Variants in SAMD13 observed in about 807,000 individuals in gnomAD.
SAMD13 encodes the protein sterile alpha motif domain-containing protein 13.
SAMD13 carries 9 observed loss-of-function variants against 12.4 expected under a neutral mutation model. The ratio of observed to expected loss-of-function variants is 0.72; its 90% CI spans 0.44 to 1.26. The LOEUF is 1.26. Ranked by LOEUF, SAMD13 falls within the 50% of genes most tolerant of loss-of-function variation. The probability of loss-of-function intolerance (pLI) is 0.00; values close to 1 mark genes in which losing one functional copy is unlikely to be tolerated. For missense variants in SAMD13, 84 were observed against 119.6 expected (o/e 0.70, Z 1.39); for synonymous variants, 46 against 45.4 (o/e 1.01, Z -0.05).
At chr1:84,339,388 C>G (rs1299566675) in intron 3 of SAMD13, among the ~76,000 whole-genome samples, 1 of 151,310 alleles carries the variant, frequency 6.6e-6, no homozygotes, top group Non-Finnish European at 1.5e-5. Context: ...TTCTTTAATG[C>G]CCTTCAGGCT....
intron 2 of SAMD13, among the ~76,000 whole-genome samples, chr1:84,308,525 C>A (rs1678635030): frequency 6.6e-6 from 1 of 152,138 alleles, no homozygotes; most frequent in South Asian, 2.1e-4. Flanking sequence ...CTAACTCTTA[C>A]CTGAGTAATG....
At chr1:84,343,057 A>T (rs1679463235) in intron 3 of SAMD13, among the ~76,000 whole-genome samples, 1 of 152,170 alleles carries the variant, frequency 6.6e-6, no homozygotes, top group Admixed American at 6.6e-5. Context: ...GACATGAAAA[A>T]ACACTTCTCA....
chr1:84,299,619 G>T, upstream of SAMD13: 1 of 1,514,518 alleles, frequency 6.6e-7, no homozygotes, highest in Non-Finnish European at 8.9e-7. Flanking sequence ...GAGGATTGAT[G>T]GCAAACAGTT....
chr1:84,299,569 A>G (rs1049703038), upstream of SAMD13: 17 of 1,483,752 alleles, frequency 1.1e-5, no homozygotes, highest in Admixed American at 3.7e-4. Context: ...ACACTCACAT[A>G]CTTTATGCTA....
At chr1:84,305,851 T>G (rs1678558094) in intron 2 of SAMD13, among the ~76,000 whole-genome samples, 2 of 152,178 alleles carry the variant, frequency 1.3e-5, no homozygotes, top group South Asian at 4.1e-4. Flanking sequence ...CCATTGATCT[T>G]TTTGCATATA....
At chr1:84,329,963 G>C (rs1679140320) in intron 3 of SAMD13, among the ~76,000 whole-genome samples, 1 of 152,160 alleles carries the variant, frequency 6.6e-6, no homozygotes, top group Non-Finnish European at 1.5e-5. Context: ...TGGCCTATGA[G>C]AGCAGGAGGC....
chr1:84,335,857 A>G (rs1679278025), intron 3 of SAMD13, among the ~76,000 whole-genome samples: 2 of 152,216 alleles, frequency 1.3e-5, no homozygotes, highest in Admixed American at 6.5e-5. Flanking sequence ...TTCTTTAAGA[A>G]TGCTGAGTGT....
chr1:84,325,948 G>A (rs1203499910), intron 3 of SAMD13, among the ~76,000 whole-genome samples, 200 bp downstream of exon 3: 5 of 152,132 alleles, frequency 3.3e-5, no homozygotes, highest in East Asian at 1.9e-4. Flanking sequence ...ACTCAAAGCC[G>A]GAGACAGTGG....
chr1:84,330,501 C>T (rs907781641), intron 3 of SAMD13, among the ~76,000 whole-genome samples: 2 of 152,192 alleles, frequency 1.3e-5, no homozygotes, highest in East Asian at 3.8e-4. Context: ...AAGCATCCTT[C>T]CCTTCCTCAC....
At chr1:84,344,481 G>C (rs1476020827) in intron 3 of SAMD13, among the ~76,000 whole-genome samples, 1 of 152,160 alleles carries the variant, frequency 6.6e-6, no homozygotes, top group Non-Finnish European at 1.5e-5. Flanking sequence ...AGGTGGGCGG[G>C]AGTGGAGGCA....
chr1:84,326,616 A>G (rs1679066148), intron 3 of SAMD13, among the ~76,000 whole-genome samples: 1 of 152,176 alleles, frequency 6.6e-6, no homozygotes, highest in Non-Finnish European at 1.5e-5. Flanking sequence ...TTCTGTGGGT[A>G]AACACAGAGT....
At chr1:84,319,605 A>G (rs1678899825) in intron 2 of SAMD13, among the ~76,000 whole-genome samples, 1 of 150,272 alleles carries the variant, frequency 6.7e-6, no homozygotes, top group Non-Finnish European at 1.5e-5. Context: ...ACTTCGCTCC[A>G]GCCTGGGTGA....
intron 2 of SAMD13, among the ~76,000 whole-genome samples, chr1:84,314,525 T>C (rs931533706): frequency 2.0e-5 from 3 of 152,152 alleles, no homozygotes; most frequent in Non-Finnish European, 2.9e-5. Flanking sequence ...TGCTAGGTAG[T>C]TTCTGGGTGA....
At chr1:84,319,959 A>C (rs1678906095) in intron 2 of SAMD13, among the ~76,000 whole-genome samples, 1 of 152,156 alleles carries the variant, frequency 6.6e-6, no homozygotes, top group Admixed American at 6.5e-5. Flanking sequence ...AGCCTGACTC[A>C]CATTGCCATG....
At chr1:84,337,193 A>G (rs544674929) in intron 3 of SAMD13, among the ~76,000 whole-genome samples, 18 of 152,142 alleles carry the variant, frequency 1.2e-4, no homozygotes, top group African/African-American at 3.9e-4. Context: ...GGTCTGGAGG[A>G]TGGTGGCCCT....
At chr1:84,317,578 T>C (rs76826197) in intron 2 of SAMD13, among the ~76,000 whole-genome samples, 4,785 of 152,212 alleles carry the variant, frequency 0.031, 101 homozygotes, top group Non-Finnish European at 0.048. Context: ...CTTTTTAACA[T>C]ACTGTTGAAT....
chr1:84,312,351 T>C (rs971592318), intron 2 of SAMD13, among the ~76,000 whole-genome samples: 3 of 151,882 alleles, frequency 2.0e-5, no homozygotes, highest in African/African-American at 7.2e-5. Flanking sequence ...TTCTTTATTG[T>C]GTGTTACTAG....
chr1:84,328,397 G>T (rs934440797), intron 3 of SAMD13, among the ~76,000 whole-genome samples: 7 of 152,150 alleles, frequency 4.6e-5, no homozygotes, highest in Non-Finnish European at 8.8e-5. Flanking sequence ...ATTCTCAAAG[G>T]ATCAGAGTTT....
intron 2 of SAMD13, among the ~76,000 whole-genome samples, chr1:84,316,601 A>G (rs1443926484): frequency 6.6e-6 from 1 of 152,092 alleles, no homozygotes; most frequent in Admixed American, 6.6e-5. Flanking sequence ...TGCCATTGCC[A>G]TACTGTTTAA....
Sources: allele counts gnomAD v4.1 joint callset (sites outside exome capture counted in the v4.1 genomes callset), GRCh38; gene constraint gnomAD v4.1.1; transcripts MANE v1.5; gene names NCBI Gene and HGNC (gene_info 2026-07-23, HGNC 2026-07-21).